The following PITPNA variants were observed in gnomAD, a reference collection of about 807,000 sequenced individuals.
PITPNA encodes the protein phosphatidylinositol transfer protein alpha.
Under a neutral mutation model 50.3 loss-of-function variants are expected in PITPNA, and 13 were observed. The ratio of observed to expected loss-of-function variants is 0.26; its 90% CI spans 0.17 to 0.41. The LOEUF (loss-of-function observed/expected upper bound fraction) is 0.41, where lower values mean the gene tolerates loss of function less well. Ranked by LOEUF, PITPNA falls within the 10% of genes least tolerant of loss-of-function variation. The pLI is 1.00. For synonymous variants in PITPNA, 120 were observed against 119.6 expected, an observed-to-expected ratio of 1.00 and a Z score of -0.02; for missense variants, 207 against 333.4, an observed-to-expected ratio of 0.62 and a Z score of 2.95.
intron 10 of PITPNA, among the ~76,000 whole-genome samples, chr17:1,533,380 T>C (rs970233663): frequency 6.6e-6 from 1 of 152,116 alleles, no homozygotes; most frequent in African/African-American, 2.4e-5. Context: ...CTCCACTTCC[T>C]CATCTGAGGG....
At chr17:1,544,288 G>A (rs977748156) in intron 4 of PITPNA, among the ~76,000 whole-genome samples, 5 of 152,190 alleles carry the variant, frequency 3.3e-5, no homozygotes, top group Admixed American at 6.5e-5. Context: ...CCTGATCATC[G>A]AATGGGAATG....
At chr17:1,528,045 G>C (rs1016911733) in intron 10 of PITPNA, among the ~76,000 whole-genome samples, 1 of 152,154 alleles carries the variant, frequency 6.6e-6, no homozygotes, top group African/African-American at 2.4e-5. Flanking sequence ...TTAAAAATTA[G>C]GTAGGCGTGG....
chr17:1,521,436 T>C (rs1347774289), intron 11 of PITPNA, 143 bp downstream of exon 11: 1 of 658,182 alleles, frequency 1.5e-6, no homozygotes, highest in Non-Finnish European at 2.8e-6. Context: ...CTAGTGGAAG[T>C]GGAGAGCTAT....
chr17:1,533,678 G>A (rs569348508), intron 10 of PITPNA, among the ~76,000 whole-genome samples: 4 of 152,228 alleles, frequency 2.6e-5, no homozygotes, highest in East Asian at 3.9e-4. Context: ...GTAGACAGCC[G>A]CCAGCTGTCA....
intron 8 of PITPNA, 28 bp from the exon 9 acceptor site, chr17:1,535,320 G>A (rs1193705730): frequency 5.8e-6 from 9 of 1,556,402 alleles, no homozygotes; most frequent in Admixed American, 1.7e-5. Context: ...CCATGGGTAC[G>A]CAAGTAACAA....
intron 5 of PITPNA, among the ~76,000 whole-genome samples, chr17:1,542,559 C>T (rs975630914): frequency 6.6e-6 from 1 of 152,312 alleles, no homozygotes; most frequent in East Asian, 1.9e-4. Context: ...AGGGACAAGG[C>T]ACTCAGATGA....
At position 1,558,163 on chromosome 17, in the gene PITPNA, AGAGGTTGCAGT is replaced by A. The variant is rs2075747329; in HGVS notation, c.51+355_51+365del. ...GGAGAATAGCTTGAACCCACGAGGC[AGAGGTTGCAGT>A]GAGCGGAGATCGCACCACTGCACTC... On this transcript the variant is annotated intron_variant, in intron 2 of 11. Coordinates refer to ENST00000313486, the MANE Select transcript of PITPNA (RefSeq NM_006224.4). Among the ~76,000 whole-genome samples, 4 of 148,186 alleles carry A rather than the reference AGAGGTTGCAGT, an allele frequency of 2.7e-5. No individual in the cohort carries two copies. In the South Asian group the frequency reaches 8.9e-4, roughly 33 times the overall value.
chr17:1,546,686 C>T (rs189110624), intron 4 of PITPNA, among the ~76,000 whole-genome samples: 235 of 152,220 alleles, frequency 1.5e-3, no homozygotes, highest in Middle Eastern at 3.4e-3. Flanking sequence ...CTCAGGACTC[C>T]CCAGGGTTAT....
At chr17:1,542,975 T>C (rs2151009332) in intron 5 of PITPNA, 45 bp downstream of exon 5, 2 of 1,497,896 alleles carry the variant, frequency 1.3e-6, no homozygotes, top group Non-Finnish European at 1.8e-6. Flanking sequence ...CTCTCTCCTG[T>C]TCTTATACAT....
intron 7 of PITPNA, chr17:1,538,636 C>T (rs2075631519): frequency 2.2e-6 from 1 of 458,564 alleles, no homozygotes; most frequent in African/African-American, 2.0e-5. Flanking sequence ...CTACTTAGTC[C>T]AGTAATAATT....
At chr17:1,559,131 C>T (rs1453988003) in intron 1 of PITPNA, among the ~76,000 whole-genome samples, 1 of 152,122 alleles carries the variant, frequency 6.6e-6, no homozygotes, top group Non-Finnish European at 1.5e-5. Flanking sequence ...AGGAAGGGAC[C>T]AAGCCCCTTG....
intron 3 of PITPNA, among the ~76,000 whole-genome samples, chr17:1,551,300 T>C (rs75959787): frequency 6.6e-6 from 1 of 151,536 alleles, no homozygotes; most frequent in African/African-American, 2.4e-5. Flanking sequence ...TTTTTTTTTT[T>C]TGTAAGAGAC....
chr17:1,557,878 C>T (rs9900764), intron 2 of PITPNA, among the ~76,000 whole-genome samples: 15,828 of 152,238 alleles, frequency 0.1, 1,249 homozygotes, highest in African/African-American at 0.22. Context: ...GAAAGAGCCA[C>T]GCACACTTGC....
At chr17:1,531,550 A>G (rs1321262552) in intron 10 of PITPNA, among the ~76,000 whole-genome samples, 1 of 151,982 alleles carries the variant, frequency 6.6e-6, no homozygotes, top group African/African-American at 2.4e-5. Context: ...TAAATAAATA[A>G]GAAAAATTAA....
At chr17:1,538,044 G>A (rs2075628221) in intron 7 of PITPNA, among the ~76,000 whole-genome samples, 1 of 152,030 alleles carries the variant, frequency 6.6e-6, no homozygotes, top group African/African-American at 2.4e-5. Flanking sequence ...CAGATGATCG[G>A]TCACCTTGGC....
At chr17:1,523,427 C>T (rs1045399348) in intron 10 of PITPNA, among the ~76,000 whole-genome samples, 4 of 151,734 alleles carry the variant, frequency 2.6e-5, no homozygotes, top group Non-Finnish European at 4.4e-5. Flanking sequence ...ACTACAGCCT[C>T]GACTCCCTGG....
intron 3 of PITPNA, among the ~76,000 whole-genome samples, chr17:1,548,813 C>T: frequency 6.6e-6 from 1 of 152,252 alleles, no homozygotes; most frequent in East Asian, 1.9e-4. Context: ...CCAGGATTAT[C>T]TGATCTGCTT....
In PITPNA at chr17:1,518,363, G is replaced by C. The variant is rs2075483944; in HGVS notation, c.*2198C>G. 1.3e-5 allele frequency: 2 copies of C among 152,686 alleles called. No individual in the cohort carries two copies. The highest frequency in any genetic ancestry group is 2.4e-5 in the African/African-American group (1 of 41,450). The allele number at this position is 152,686 out of a possible 1,614,324, so 9.5% of individuals were successfully genotyped here. On this transcript the variant is annotated 3_prime_UTR_variant, in exon 12 of 12. Transcript: ENST00000313486. Reference sequence around the variant, plus strand: ...TGGCACACACTCAGGTACTACCCCTGGAGCTGAACCTTTATCATAAGTCCC... The same window carrying C: ...TGGCACACACTCAGGTACTACCCCTCGAGCTGAACCTTTATCATAAGTCCC...
chr17:1,548,667 C>T (rs1427279742), intron 3 of PITPNA, among the ~76,000 whole-genome samples: 1 of 152,170 alleles, frequency 6.6e-6, no homozygotes, highest in Non-Finnish European at 1.5e-5. Context: ...ATCAGCATTA[C>T]ACATTTTTCC....
Sources: allele counts gnomAD v4.1 joint callset (sites outside exome capture counted in the v4.1 genomes callset), GRCh38; gene constraint gnomAD v4.1.1; transcripts MANE v1.5; gene names NCBI Gene and HGNC (gene_info 2026-07-23, HGNC 2026-07-21).